Variants in COL4A3 observed in about 807,000 individuals in gnomAD.
COL4A3 encodes collagen alpha-3(IV) chain.
Under a neutral mutation model 217.4 loss-of-function variants are expected in COL4A3, and 135 were observed. That is an observed-to-expected ratio of 0.62 (90% CI 0.54 to 0.72). The LOEUF (loss-of-function observed/expected upper bound fraction) is 0.72. Among genes scored for constraint, COL4A3 ranks in the 30% least tolerant of loss-of-function variants. The pLI is 0.00. For synonymous variants in COL4A3, 690 were observed against 736.3 expected, an observed-to-expected ratio of 0.94 and a Z score of 1.02; for missense variants, 1,868 against 2,119.9, an observed-to-expected ratio of 0.88 and a Z score of 2.33.
intron 17 of COL4A3, 96 bp downstream of exon 17, chr2:227,256,492 A>G: frequency 2.0e-6 from 2 of 981,446 alleles, no homozygotes; most frequent in Non-Finnish European, 3.3e-6. Flanking sequence ...AGGGATTACA[A>G]TAACAGACTT....
In COL4A3 at chr2:227,284,111, G is replaced by T. The variant is rs1463325459; in HGVS notation, c.2747-100G>T. On this transcript the variant is annotated intron_variant, in intron 33 of 51. Coordinates refer to ENST00000396578, the MANE Select transcript of COL4A3 (RefSeq NM_000091.5). ...GTTCTCAGCACTGTTAGCCTTTTTTGTTTGATTTGTTCTGTTTTATAGTAA... is the reference window on the plus strand; with the variant it reads ...GTTCTCAGCACTGTTAGCCTTTTTTTTTTGATTTGTTCTGTTTTATAGTAA... 37 of 1,504,840 alleles carry T rather than the reference G, an allele frequency of 2.5e-5. No individual in the cohort carries two copies. In the Admixed American group the frequency reaches 4.2e-4, roughly 17 times the overall value. The allele number at this position is 1,504,840 out of a possible 1,614,324, so 93.2% of individuals were successfully genotyped here.
chr2:227,185,249 T>C (rs1158740992), intron 1 of COL4A3, among the ~76,000 whole-genome samples: 1 of 152,124 alleles, frequency 6.6e-6, no homozygotes, highest in African/African-American at 2.4e-5. Flanking sequence ...AGGAGTGGAT[T>C]CAGTCAGCCA....
chr2:227,310,767 T>C lies in COL4A3; in HGVS notation c.4756-9T>C, dbSNP rs769821947. The C allele has an allele frequency of 1.3e-5, 21 of 1,613,368 alleles. No homozygotes were observed. The highest frequency in any genetic ancestry group is 1.7e-5 in the Admixed American group (1 of 59,996). ...AGAGTGTTTATTCAGATTTTTAAAA[T>C]TGTGGTAGTTCACAAGTGCAGGTTC... On this transcript the variant is annotated splice_polypyrimidine_tract_variant and intron_variant, in intron 50 of 51. Coordinates refer to ENST00000396578, the MANE Select transcript of COL4A3 (RefSeq NM_000091.5).
intron 50 of COL4A3, among the ~76,000 whole-genome samples, chr2:227,309,604 A>C (rs529348291): frequency 6.6e-6 from 1 of 151,432 alleles, no homozygotes; most frequent in Non-Finnish European, 1.5e-5. Flanking sequence ...TCTTTTTATT[A>C]TTTTTTTTAT....
chr2:227,172,469 G>A (rs1325734858), intron 1 of COL4A3, among the ~76,000 whole-genome samples: 1 of 151,980 alleles, frequency 6.6e-6, no homozygotes, highest in East Asian at 1.9e-4. Context: ...GAGAAAGACA[G>A]AGAGAGAGCT....
rs548862580 is a variant in COL4A3, at chr2:227,235,497, A to G, written c.88-2471A>G. 2.4e-3 allele frequency among the ~76,000 whole-genome samples: 358 copies of G among 152,290 alleles called. 3 individuals are homozygous for G. The highest frequency in any genetic ancestry group is 8.0e-3 in the African/African-American group (333 of 41,564). Reference sequence around the variant, plus strand: ...TGGGGAACAGGTGGTGTTTGGTTACATGGATAAGTTCTTTAGTGGTGATTT... The same window carrying G: ...TGGGGAACAGGTGGTGTTTGGTTACGTGGATAAGTTCTTTAGTGGTGATTT... On this transcript the variant is annotated intron_variant, in intron 1 of 51. Transcript: ENST00000396578.
chr2:227,296,158 C>T (rs1184471853), intron 41 of COL4A3: 1 of 152,252 alleles, frequency 6.6e-6, no homozygotes, highest in Non-Finnish European at 1.5e-5. Flanking sequence ...TAAAAGTAGA[C>T]AAGAGCTGTT....
At chr2:227,241,183 A>C (rs2068998668) in intron 3 of COL4A3, among the ~76,000 whole-genome samples, 1 of 152,166 alleles carries the variant, frequency 6.6e-6, no homozygotes, top group African/African-American at 2.4e-5. Flanking sequence ...TTACTAAATA[A>C]CTGAATAACC....
intron 20 of COL4A3, 40 bp from the exon 21 acceptor site, chr2:227,263,740 G>A (rs773280355): frequency 6.3e-7 from 1 of 1,584,294 alleles, no homozygotes; most frequent in Non-Finnish European, 8.6e-7. Context: ...TATTAATCAG[G>A]AAAAAATGTA....
intron 23 of COL4A3, chr2:227,268,449 T>G (rs2071047608): frequency 6.6e-6 from 1 of 152,256 alleles, no homozygotes; most frequent in African/African-American, 2.4e-5. Context: ...ACAACCTGGA[T>G]AGGGAACATT....
In COL4A3 at chr2:227,295,279, G is replaced by A. The variant is rs1358851302; in HGVS notation, c.3528G>A (p.Arg1176=). 6.2e-7 allele frequency: 1 copy of A among 1,613,830 alleles called. No homozygotes were observed. Among genetic ancestry groups the A allele is most frequent in the East Asian group, 2.2e-5 (1 of 44,894 alleles). ...GATTATCTCTTTCAGGTTTATTGAG[G>A]GCCCCTCCAGGCCCAAGAGGGAACC... ...AGEKGETGLL[R]APPGPRGNPG... is the part of the protein sequence containing the mutation. The change falls in exon 41 of 52, where the codon AGG becomes AGA. Residue 1176 remains arginine, a synonymous_variant. Coordinates refer to ENST00000396578, the MANE Select transcript of COL4A3 (RefSeq NM_000091.5).
At chr2:227,228,923 C>T (rs1252238599) in intron 1 of COL4A3, among the ~76,000 whole-genome samples, 1 of 152,188 alleles carries the variant, frequency 6.6e-6, no homozygotes, top group Non-Finnish European at 1.5e-5. Context: ...TAACAGCCTA[C>T]AGTAACAGCC....
At chr2:227,183,747 T>C (rs896337893) in intron 1 of COL4A3, among the ~76,000 whole-genome samples, 1 of 152,192 alleles carries the variant, frequency 6.6e-6, no homozygotes, top group African/African-American at 2.4e-5. Context: ...TCAATTTCAC[T>C]TGAGAGAACT....
intron 3 of COL4A3, among the ~76,000 whole-genome samples, chr2:227,241,322 T>C (rs534395034): frequency 6.6e-6 from 1 of 152,184 alleles, no homozygotes; most frequent in Admixed American, 6.5e-5. Context: ...TAATAAGCTA[T>C]GAAAAATGAT....
chr2:227,235,827 G>A (rs1164295418), intron 1 of COL4A3, among the ~76,000 whole-genome samples: 1 of 137,618 alleles, frequency 7.3e-6, no homozygotes, highest in East Asian at 2.2e-4. Context: ...AGGCTTGAGT[G>A]CAATGGCGCA....
In COL4A3 at chr2:227,282,481, C is replaced by A. The variant is rs1444212051; in HGVS notation, c.2605C>A (p.Pro869Thr). 6.2e-7 allele frequency: 1 copy of A among 1,613,612 alleles called. No individual in the cohort carries two copies. Among genetic ancestry groups the A allele is most frequent in the African/African-American group, 1.3e-5 (1 of 74,790 alleles). ...GIPGHQGEMG[P>T]LGQRGYPGNP... Reference sequence around the variant, plus strand: ...TCCAGGTCATCAAGGTGAAATGGGACCACTGGGTCAAAGAGGATATCCAGG... The same window carrying A: ...TCCAGGTCATCAAGGTGAAATGGGAACACTGGGTCAAAGAGGATATCCAGG... The change falls in exon 32 of 52, where the codon CCA (proline) becomes ACA (threonine). Residue 869 changes from proline to threonine, a missense_variant. By Grantham distance (38) the Pro-to-Thr change is conservative (BLOSUM62 -1). Around this residue, in one of 2 missense-constraint regions of COL4A3, gnomAD observed 1,503 missense variants for 1,786.1 expected, o/e 0.84. Coordinates refer to ENST00000396578, the MANE Select transcript of COL4A3 (RefSeq NM_000091.5). This position sits in a 1 kb window ranked among gnomAD's most constrained non-coding sequence, Gnocchi z 4.4.
chr2:227,191,142 A>G lies in COL4A3; in HGVS notation c.87+26329A>G, dbSNP rs1469757764. ...GCCATGGAAACAATTTTTGACATTT[A>G]AATTTTCTCAACCACTTTGCTCTTT... On this transcript the variant is annotated intron_variant, in intron 1 of 51. Transcript: ENST00000396578. The surrounding 1 kb of genome is among the most constrained non-coding windows in gnomAD (Gnocchi z 6.8). 1.3e-5 allele frequency among the ~76,000 whole-genome samples: 2 copies of G among 152,172 alleles called. No homozygotes were observed. The highest frequency in any genetic ancestry group is 2.9e-5 in the Non-Finnish European group (2 of 68,026).
chr2:227,209,913 G>C (rs2067248522), intron 1 of COL4A3, among the ~76,000 whole-genome samples: 1 of 152,172 alleles, frequency 6.6e-6, no homozygotes, highest in African/African-American at 2.4e-5. Context: ...TTTTTATATG[G>C]ATATGTTCTG....
At chr2:227,272,898 T>C in intron 25 of COL4A3, 51 bp from the exon 26 acceptor site, 3 of 1,583,598 alleles carry the variant, frequency 1.9e-6, no homozygotes, top group Non-Finnish European at 2.6e-6. Context: ...TAACCTGTTG[T>C]AAGAATATAC....
Sources: gnomAD v4.1 joint callset for allele counts (sites outside exome capture counted in the v4.1 genomes callset) on GRCh38, gnomAD v4.1.1 for gene constraint, gnomAD v4.1.1 regional missense constraint, Gnocchi (gnomAD v3.1) non-coding constraint, MANE v1.5 for transcripts, NCBI Gene and HGNC (gene_info 2026-07-23, HGNC 2026-07-21) for gene names.